The following CASZ1 variants were observed in gnomAD, a reference collection of about 807,000 sequenced individuals.
CASZ1 encodes the protein zinc finger protein castor homolog 1.
Under a neutral mutation model 135.2 loss-of-function variants are expected in CASZ1, and 28 were observed. The ratio of observed to expected loss-of-function variants is 0.21; its 90% CI spans 0.15 to 0.28. The LOEUF (loss-of-function observed/expected upper bound fraction) is 0.28, where lower values mean the gene tolerates loss of function less well. Among genes scored for constraint, CASZ1 ranks in the 10% least tolerant of loss-of-function variants. CASZ1 has a pLI of 1.00. For missense variants in CASZ1, 2,161 were observed against 2,453.3 expected (o/e 0.88, Z 2.52); for synonymous variants, 1,068 against 1,073.4 (o/e 0.99, Z 0.10).
chr1:10,733,438 C>A (rs77216151), intron 2 of CASZ1, among the ~76,000 whole-genome samples: 1 of 152,188 alleles, frequency 6.6e-6, no homozygotes, highest in Non-Finnish European at 1.5e-5. Flanking sequence ...GCCACCTGCA[C>A]GCCTGTCCAT....
Position 10,725,858 on chromosome 1 carries a change from T to C in CASZ1, c.-76-20314A>G, listed in dbSNP as rs141906184. 3.4e-4 allele frequency among the ~76,000 whole-genome samples: 52 copies of C among 151,972 alleles called. No individual in the cohort carries two copies. In the East Asian group the frequency reaches 9.5e-3, roughly 28 times the overall value. ...CAGCAGGGCAGGTGTAAGAGAGTCA[T>C]TGAGGGGGCCAGAGGGCCTGCCGAA... On this transcript the variant is annotated intron_variant, in intron 2 of 20. Transcript: ENST00000377022. The surrounding 1 kb of genome is among the most constrained non-coding windows in gnomAD (Gnocchi z 4.4).
chr1:10,747,024 C>T lies in CASZ1; in HGVS notation c.-77+13677G>A, dbSNP rs1035976055. Among the ~76,000 whole-genome samples the T allele has an allele frequency of 2.0e-5, 3 of 152,242 alleles. No homozygotes were observed. The highest frequency in any genetic ancestry group is 7.2e-5 in the African/African-American group (3 of 41,452). On this transcript the variant is annotated intron_variant, in intron 2 of 20. Transcript: ENST00000377022. The surrounding 1 kb of genome is among the most constrained non-coding windows in gnomAD (Gnocchi z 4.3). ...ACCCCATGGCTTCTCCCCTCATAGC[C>T]CCCGCTAACCAGGAGTGGACGCCCA... is the stretch of plus-strand genomic sequence containing the variant.
rs1640234011 is a variant in CASZ1, at chr1:10,755,457, C to T, written c.-77+5244G>A. Among the ~76,000 whole-genome samples the T allele has an allele frequency of 1.3e-5, 2 of 152,160 alleles. No homozygotes were observed. The highest frequency in any genetic ancestry group is 6.5e-5 in the Admixed American group (1 of 15,290). ...GCAGAGGCGCTTCTCTCTTCGTCCA[C>T]CACACCGCGTCAACCCTCCCAAATC... On this transcript the variant is annotated intron_variant, in intron 2 of 20. Transcript: ENST00000377022. The surrounding 1 kb of genome is among the most constrained non-coding windows in gnomAD (Gnocchi z 4.3).
chr1:10,690,222 T>C (rs142195188), intron 4 of CASZ1, among the ~76,000 whole-genome samples: 1 of 152,190 alleles, frequency 6.6e-6, no homozygotes, highest in East Asian at 1.9e-4. Flanking sequence ...CCAGAGCTAG[T>C]GAGGTTCCTA....
At chr1:10,673,822 A>G (rs1476077123) in intron 4 of CASZ1, among the ~76,000 whole-genome samples, 1 of 152,056 alleles carries the variant, frequency 6.6e-6, no homozygotes, top group African/African-American at 2.4e-5. Flanking sequence ...GAGCCCAGAG[A>G]GTAAGGGTCT....
At position 10,720,762 on chromosome 1, in the gene CASZ1, T is replaced by A. The variant is rs2100484106; in HGVS notation, c.-76-15218A>T. ...GAGAAGGGCGTAGGGAAGCCCAAGG[T>A]CAGAGAGTGGGGAGGAAGTGGACGC... On this transcript the variant is annotated intron_variant, in intron 2 of 20. Transcript: ENST00000377022. This position sits in a 1 kb window ranked among gnomAD's most constrained non-coding sequence, Gnocchi z 5.7. Among the ~76,000 whole-genome samples the A allele has an allele frequency of 6.6e-6, 1 of 152,110 alleles. No homozygotes were observed. Among genetic ancestry groups the A allele is most frequent in the African/African-American group, 2.4e-5 (1 of 41,484 alleles).
At chr1:10,689,788 G>C (rs1051228302) in intron 4 of CASZ1, among the ~76,000 whole-genome samples, 7 of 152,220 alleles carry the variant, frequency 4.6e-5, no homozygotes, top group African/African-American at 1.7e-4. Flanking sequence ...CACCCGCCAG[G>C]ACTGCCCCAC....
chr1:10,792,070 T>C (rs1245354937), intron 1 of CASZ1, among the ~76,000 whole-genome samples: 4 of 150,916 alleles, frequency 2.7e-5, no homozygotes, highest in Non-Finnish European at 5.9e-5. Context: ...GAATGGTTCC[T>C]CTCGCCTCTG....
At chr1:10,643,044 A>AT in intron 19 of CASZ1, 44 bp from the exon 20 acceptor site, 1 of 1,599,310 alleles carries the variant, frequency 6.3e-7, no homozygotes, top group Non-Finnish European at 8.6e-7. Flanking sequence ...GCTGTGGGGT[A>AT]TGCTGCCCAC....
rs372005823 is a variant in CASZ1 at position 10,787,127 on chromosome 1, G to A, written c.-234+9437C>T. ...CAGCCAACCATCAGGACACCCTTCC[G>A]AGGGTGGTACGGTCAGAGGCCATTT... On this transcript the variant is annotated intron_variant, in intron 1 of 20. Transcript: ENST00000377022. Among the ~76,000 whole-genome samples, 5 of 152,344 alleles carry A rather than the reference G, an allele frequency of 3.3e-5. No homozygotes were observed. In the South Asian group the frequency reaches 8.3e-4, roughly 25 times the overall value.
intron 20 of CASZ1, 144 bp downstream of exon 20, chr1:10,642,715 C>T: frequency 1.1e-6 from 1 of 894,886 alleles, no homozygotes. Context: ...GACCCAGTCC[C>T]ACAGACCAGC....
chr1:10,648,821 G>C, intron 15 of CASZ1: 1 of 520,800 alleles, frequency 1.9e-6, no homozygotes, highest in South Asian at 2.2e-5. Context: ...CCCTGGGGAC[G>C]TGGGTGCAGC....
intron 2 of CASZ1, among the ~76,000 whole-genome samples, chr1:10,732,184 G>T (rs1639713104): frequency 6.6e-6 from 1 of 151,810 alleles, no homozygotes; most frequent in African/African-American, 2.4e-5. Flanking sequence ...AATTAGCCAG[G>T]TGTGGTGGCA....
intron 4 of CASZ1, among the ~76,000 whole-genome samples, chr1:10,678,583 G>T (rs911160105): frequency 1.3e-5 from 2 of 152,208 alleles, no homozygotes; most frequent in Non-Finnish European, 2.9e-5. Flanking sequence ...TCGCTCCCTG[G>T]GCCGCGCCGG....
At chr1:10,655,925 A>C in intron 8 of CASZ1, 112 bp from the exon 9 acceptor site, 1 of 1,106,358 alleles carries the variant, frequency 9.0e-7, no homozygotes, top group Non-Finnish European at 1.3e-6. Flanking sequence ...CCTAGAAAGA[A>C]CCCTGCTTGG....
chr1:10,753,790 G>GTA (rs1640193655), intron 2 of CASZ1, among the ~76,000 whole-genome samples: 1 of 152,136 alleles, frequency 6.6e-6, no homozygotes, highest in Non-Finnish European at 1.5e-5. Context: ...GGGCACATAT[G>GTA]CGACCTGTGA....
rs60872646 is a variant in CASZ1 at position 10,684,419 on chromosome 1, G to A, written c.16+9455C>T. Among the ~76,000 whole-genome samples the A allele has an allele frequency of 7.4e-3, 1,134 of 152,282 alleles. 19 individuals carry two copies. Among genetic ancestry groups the A allele is most frequent in the African/African-American group, 0.025 (1,056 of 41,552 alleles). ...GCACACGCGCCTAGTGGAACGCAGC[G>A]GCCTGGAAGCAAGTTTTGGTAGCGC... is the stretch of plus-strand genomic sequence containing the variant. On this transcript the variant is annotated intron_variant, in intron 4 of 20. Transcript: ENST00000377022.
At position 10,774,692 on chromosome 1, in the gene CASZ1, G is replaced by A. The variant is rs1439738356; in HGVS notation, c.-233-13835C>T. ...GGTATCTCCCACCACCTGAGTCAAC[G>A]CGGACCCCTCTCTTCCCCAAGTGTG... is the stretch of plus-strand genomic sequence containing the variant. On this transcript the variant is annotated intron_variant, in intron 1 of 20. Coordinates refer to ENST00000377022, the MANE Select transcript of CASZ1 (RefSeq NM_001079843.3). The surrounding 1 kb of genome is among the most constrained non-coding windows in gnomAD (Gnocchi z 4.4). 3.3e-5 allele frequency among the ~76,000 whole-genome samples: 5 copies of A among 152,102 alleles called. No individual in the cohort carries two copies. The highest frequency in any genetic ancestry group is 7.2e-5 in the African/African-American group (3 of 41,474).
Position 10,642,866 on chromosome 1 carries a change from G to A in CASZ1, c.4155C>T (p.Thr1385=), listed in dbSNP as rs1642251702. The A allele has an allele frequency of 1.3e-5, 21 of 1,612,618 alleles. No individual in the cohort carries two copies. The highest frequency in any genetic ancestry group is 1.8e-5 in the Non-Finnish European group (21 of 1,179,750). Residue 1385 remains threonine, a synonymous_variant, in exon 20 of 21, where the codon ACC becomes ACT. Transcript: ENST00000377022. The stretch of plus-strand genomic sequence containing the variant: ...CCCCTGCCTGCCGCTCACCTGCCGC[G>A]GTGCTCTCGTTACCCACGGGGGTGC... ...CSSTPVGNES[T]AAGNTISMPT...
Sources: allele counts gnomAD v4.1 joint callset (sites outside exome capture counted in the v4.1 genomes callset), GRCh38; gene constraint gnomAD v4.1.1; non-coding constraint Gnocchi (gnomAD v3.1); transcripts MANE v1.5; gene names NCBI Gene and HGNC (gene_info 2026-07-23, HGNC 2026-07-21).